MPRIP: variants seen among roughly 807,000 people sequenced by gnomAD.
MPRIP encodes the protein myosin phosphatase Rho interacting protein, also known as myosin phosphatase Rho-interacting protein.
In MPRIP, 59 loss-of-function variants were observed where a neutral mutation model predicts 234.9. That is an observed-to-expected ratio of 0.25 (90% CI 0.20 to 0.31). MPRIP has a LOEUF of 0.31. MPRIP is among the 10% of genes least tolerant of loss of function. The pLI is 1.00. For missense variants in MPRIP, 2,436 were observed against 3,071.0 expected (o/e 0.79, Z 4.89); for synonymous variants, 1,144 against 1,263.9 (o/e 0.91, Z 2.01).
At chr17:17,106,376 G>A (rs2090063218) in intron 3 of MPRIP, among the ~76,000 whole-genome samples, 2 of 152,190 alleles carry the variant, frequency 1.3e-5, no homozygotes, top group Non-Finnish European at 2.9e-5. Flanking sequence ...TCCTGGGCAG[G>A]CAGCAGCAGG....
intron 3 of MPRIP, among the ~76,000 whole-genome samples, chr17:17,117,558 G>A (rs1030338798): frequency 1.3e-5 from 2 of 152,208 alleles, no homozygotes; most frequent in African/African-American, 4.8e-5. Context: ...TTTTATGGCT[G>A]AATAAAATAA....
Position 17,173,696 on chromosome 17 carries a change from T to TA in MPRIP, c.6591-220_6591-219insA. ...GTCCTGACTGGCATCCCCAGAGAAG[T>TA]GCTAGCTGTAGGACTGTCAGACTGT... On this transcript the variant is annotated intron_variant, in intron 18 of 23. Transcript: ENST00000651222. 6 of 685,510 alleles carry TA rather than the reference T, an allele frequency of 8.8e-6. No homozygotes were observed. The South Asian group carries it at 9.1e-5, about 10-fold the overall frequency. 42.5% of individuals were successfully genotyped at this position (685,510 alleles called of 1,614,324 possible).
At chr17:17,116,832 T>C (rs1276595173) in intron 3 of MPRIP, among the ~76,000 whole-genome samples, 4 of 152,220 alleles carry the variant, frequency 2.6e-5, no homozygotes, top group Non-Finnish European at 5.9e-5. Flanking sequence ...CCCTGGAATG[T>C]GGCCTGGGAA....
intron 4 of MPRIP, among the ~76,000 whole-genome samples, chr17:17,131,046 C>G (rs975335380): frequency 3.3e-5 from 5 of 152,158 alleles, no homozygotes; most frequent in Non-Finnish European, 5.9e-5. Context: ...TGGTGTCTAT[C>G]CAGAGTGAAC....
intron 1 of MPRIP, among the ~76,000 whole-genome samples, chr17:17,072,932 T>C (rs2089233574): frequency 6.6e-6 from 1 of 152,164 alleles, no homozygotes; most frequent in East Asian, 1.9e-4. Flanking sequence ...TTAATAGCTT[T>C]ATTAAGATAA....
At chr17:17,050,937 T>TA (rs1317903127) in intron 1 of MPRIP, among the ~76,000 whole-genome samples, 2 of 152,262 alleles carry the variant, frequency 1.3e-5, no homozygotes, top group East Asian at 1.9e-4. Flanking sequence ...TCTAGCCTGT[T>TA]ACCTGATCTT....
chr17:17,110,578 C>G (rs2090149825), intron 3 of MPRIP, among the ~76,000 whole-genome samples: 1 of 152,156 alleles, frequency 6.6e-6, no homozygotes. Flanking sequence ...TGGGGAGCAG[C>G]TCTGCAGCAG....
Position 17,169,246 on chromosome 17 carries a change from T to C in MPRIP, c.6324+1331T>C. On this transcript the variant is annotated intron_variant, in intron 16 of 23. Coordinates refer to ENST00000651222, the MANE Select transcript of MPRIP (RefSeq NM_001364716.4). The stretch of plus-strand genomic sequence containing the variant: ...ATCCAGGTGCACCTTGAAAAGTTAA[T>C]TGCACAAACCTTTGCTTTGACCCCA... 4 of 353,352 alleles carry C rather than the reference T, an allele frequency of 1.1e-5. 1 individual carries two copies. Among genetic ancestry groups the C allele is most frequent in the South Asian group, 8.4e-5 (4 of 47,368 alleles). 21.9% of individuals were successfully genotyped at this position (353,352 alleles called of 1,614,324 possible).
intron 1 of MPRIP, among the ~76,000 whole-genome samples, chr17:17,056,283 C>G (rs1197599075): frequency 6.6e-6 from 1 of 152,232 alleles, no homozygotes; most frequent in African/African-American, 2.4e-5. Context: ...CCTGCGAAGA[C>G]GTTGCCCCAG....
chr17:17,098,438 C>T (rs75066808), intron 3 of MPRIP, among the ~76,000 whole-genome samples: 5,856 of 152,234 alleles, frequency 0.038, 334 homozygotes, highest in African/African-American at 0.12. Flanking sequence ...CCCCGACCCT[C>T]GGCTAGGGGA....
chr17:17,157,603 C>T (rs1437642364), intron 13 of MPRIP, among the ~76,000 whole-genome samples: 2 of 152,264 alleles, frequency 1.3e-5, no homozygotes, highest in African/African-American at 4.8e-5. Flanking sequence ...GGGAGGCAGG[C>T]GGATCACCTG....
At chr17:17,081,149 T>C (rs969399764) in intron 3 of MPRIP, among the ~76,000 whole-genome samples, 6 of 152,244 alleles carry the variant, frequency 3.9e-5, no homozygotes, top group Admixed American at 3.3e-4. Flanking sequence ...CCCTCCACAC[T>C]CAATCAGCAT....
At position 17,087,599 on chromosome 17, in the gene MPRIP, C is replaced by T. The variant is rs139089405; in HGVS notation, c.267+9523C>T. On this transcript the variant is annotated intron_variant, in intron 3 of 23. Coordinates refer to ENST00000651222, the MANE Select transcript of MPRIP (RefSeq NM_001364716.4). Reference sequence around the variant, plus strand: ...GGCCCTGGCCAGACGCGAGTCCTCCCTGTGTTCCTAACCCGAGGACACCTG... The same window carrying T: ...GGCCCTGGCCAGACGCGAGTCCTCCTTGTGTTCCTAACCCGAGGACACCTG... Among the ~76,000 whole-genome samples the T allele has an allele frequency of 3.5e-3, 527 of 152,328 alleles. 1 individual carries two copies. The highest frequency in any genetic ancestry group is 0.012 in the African/African-American group (511 of 41,576).
intron 3 of MPRIP, among the ~76,000 whole-genome samples, chr17:17,083,120 G>A (rs2089504344): frequency 6.6e-6 from 1 of 152,250 alleles, no homozygotes; most frequent in Non-Finnish European, 1.5e-5. Flanking sequence ...AGCATCACGA[G>A]AGATGAGAGC....
chr17:17,190,697 G>A lies in MPRIP; in HGVS notation c.*5803G>A, dbSNP rs1465806816. ...AAAGAAAAGGCTCTTGGCAGGGTAG[G>A]GGAGTCAGTAGCTCAACACTAGATC... On this transcript the variant is annotated 3_prime_UTR_variant, in exon 24 of 24. Coordinates refer to ENST00000651222, the MANE Select transcript of MPRIP (RefSeq NM_001364716.4). 1 of 152,132 alleles carries A rather than the reference G, an allele frequency of 6.6e-6. No homozygotes were observed. Among genetic ancestry groups the A allele is most frequent in the Non-Finnish European group, 1.5e-5 (1 of 68,028 alleles). The allele number at this position is 152,132 out of a possible 1,614,324, so 9.4% of individuals were successfully genotyped here. A position where few individuals can be genotyped will look rare whatever the true frequency, so the allele number is the denominator to read the frequency against.
chr17:17,162,137 T>C (rs1185794479), intron 15 of MPRIP, among the ~76,000 whole-genome samples: 3 of 152,186 alleles, frequency 2.0e-5, no homozygotes, highest in Non-Finnish European at 4.4e-5. Context: ...ACAGGGAGCC[T>C]AAGTTCTCGG....
In MPRIP at chr17:17,176,510, C is replaced by T. The variant is rs756958763; in HGVS notation, c.6955C>T (p.Arg2319Trp). Reference sequence around the variant, plus strand: ...CAAGGATGAGCTGCAGACGGCACTGCGGGTAAGGCCACCGCACCACAGGAG... The same window carrying T: ...CAAGGATGAGCTGCAGACGGCACTGTGGGTAAGGCCACCGCACCACAGGAG... ...SLKDELQTALRDKKYASDKYK... is the reference protein window; with the variant it reads ...SLKDELQTALWDKKYASDKYK... The change falls in exon 21 of 24, where the codon CGG (arginine) becomes TGG (tryptophan). Residue 2319 changes from arginine (R) to tryptophan (W), a missense_variant and splice_region_variant. Around this residue, in one of 4 missense-constraint regions of MPRIP, gnomAD observed 1,998 missense variants for 2,520.3 expected, o/e 0.79. Coordinates refer to ENST00000651222, the MANE Select transcript of MPRIP (RefSeq NM_001364716.4). 6 of 1,612,834 alleles carry T rather than the reference C, an allele frequency of 3.7e-6. No homozygotes were observed. Among genetic ancestry groups the T allele is most frequent in the African/African-American group, 2.7e-5 (2 of 74,874 alleles).
chr17:17,132,740 C>A (rs754156098), intron 5 of MPRIP, among the ~76,000 whole-genome samples: 8 of 152,178 alleles, frequency 5.3e-5, no homozygotes, highest in African/African-American at 9.7e-5. Flanking sequence ...ACCCTCCATC[C>A]TGGGGTCAGG....
chr17:17,116,013 A>G (rs2090278856), intron 3 of MPRIP, among the ~76,000 whole-genome samples: 1 of 152,192 alleles, frequency 6.6e-6, no homozygotes, highest in Admixed American at 6.5e-5. Flanking sequence ...GATGGTTTCT[A>G]TTTTATAAAT....
Sources: gnomAD v4.1 joint callset for allele counts (sites outside exome capture counted in the v4.1 genomes callset) on GRCh38, gnomAD v4.1.1 for gene constraint, gnomAD v4.1.1 regional missense constraint, MANE v1.5 for transcripts, NCBI Gene and HGNC (gene_info 2026-07-23, HGNC 2026-07-21) for gene names.